The following DCC variants were observed in gnomAD, a reference collection of about 807,000 sequenced individuals.
DCC encodes DCC netrin 1 receptor.
Under a neutral mutation model 172.5 loss-of-function variants are expected in DCC, and 58 were observed. That is an observed-to-expected ratio of 0.34 (90% confidence interval 0.27 to 0.42). The LOEUF (loss-of-function observed/expected upper bound fraction) is 0.42, where lower values mean the gene tolerates loss of function less well. DCC is among the 10% of genes least tolerant of loss of function. The probability of loss-of-function intolerance (pLI) is 1.00; values close to 1 mark genes in which losing one functional copy is unlikely to be tolerated. For missense variants in DCC, 1,740 were observed against 1,791.0 expected, an observed-to-expected ratio of 0.97 and a Z score of 0.51; for synonymous variants, 709 against 644.5, an observed-to-expected ratio of 1.10 and a Z score of -1.52.
At chr18:53,100,820 CA>C (rs745915241) in intron 7 of DCC, among the ~76,000 whole-genome samples, 2 of 151,138 alleles carry the variant, frequency 1.3e-5, no homozygotes, top group East Asian at 2.0e-4. Flanking sequence ...GGAAAGCTTG[CA>C]AAAAAAATGG....
chr18:52,719,934 T>C (rs1453303115), intron 1 of DCC, among the ~76,000 whole-genome samples: 1 of 151,968 alleles, frequency 6.6e-6, no homozygotes, highest in Non-Finnish European at 1.5e-5. Context: ...CAGTTCACAG[T>C]CAGGATTTGG....
At chr18:53,198,316 C>T (rs1182467435) in intron 9 of DCC, among the ~76,000 whole-genome samples, 1 of 152,112 alleles carries the variant, frequency 6.6e-6, no homozygotes, top group South Asian at 2.1e-4. Flanking sequence ...ATTTCAGGGG[C>T]TTGTTCATGG....
rs928944341 is a variant in DCC at position 53,143,854 on chromosome 18, C to T, written c.1262-13502C>T. Among the ~76,000 whole-genome samples the T allele has an allele frequency of 5.9e-5, 9 of 152,280 alleles. No individual in the cohort carries two copies. The South Asian group carries it at 6.2e-4, about 11-fold the overall frequency. On this transcript the variant is annotated intron_variant, in intron 7 of 28. Coordinates refer to ENST00000442544, the MANE Select transcript of DCC (RefSeq NM_005215.4). The stretch of plus-strand genomic sequence containing the variant: ...TTTTTGCTTTAAGTAGCCACAGGTG[C>T]GAGAATGATTGTTTCCATCCCATTT...
intron 2 of DCC, among the ~76,000 whole-genome samples, chr18:52,883,350 ATGTGTGTGTG>A (rs1172759213): frequency 6.1e-4 from 21 of 34,172 alleles, no homozygotes; most frequent in Admixed American, 1.9e-3. Context: ...TTATTTATTT[ATGTGTGTGTG>A]TGTGTGTGTG....
chr18:52,411,864 TG>T (rs1237035659), intron 1 of DCC, among the ~76,000 whole-genome samples: 1 of 152,138 alleles, frequency 6.6e-6, no homozygotes, highest in Non-Finnish European at 1.5e-5. Flanking sequence ...CCAACCTCAT[TG>T]TCAAGCCACA....
At position 52,790,970 on chromosome 18, in the gene DCC, G is replaced by A. The variant is rs112207447; in HGVS notation, c.412+38596G>A. On this transcript the variant is annotated intron_variant, in intron 2 of 28. Transcript: ENST00000442544. ...CAATGAGAATGGAAGTTGAACCCTCGTGGCATCACCTCCATTGGACATTTT... is the reference window on the plus strand; with the variant it reads ...CAATGAGAATGGAAGTTGAACCCTCATGGCATCACCTCCATTGGACATTTT... 5.4e-3 allele frequency among the ~76,000 whole-genome samples: 826 copies of A among 152,218 alleles called. 6 individuals are homozygous for A. Among genetic ancestry groups the A allele is most frequent in the Admixed American group, 0.011 (168 of 15,284 alleles).
chr18:52,921,778 C>T (rs1568188231), intron 3 of DCC, among the ~76,000 whole-genome samples: 1 of 151,050 alleles, frequency 6.6e-6, no homozygotes, highest in Admixed American at 6.6e-5. Context: ...TTAGTAGCAT[C>T]GTTGATAGGT....
chr18:52,933,617 G>A (rs1406515965), intron 5 of DCC, among the ~76,000 whole-genome samples: 1 of 152,024 alleles, frequency 6.6e-6, no homozygotes, highest in Admixed American at 6.6e-5. Context: ...CATGTGGTTA[G>A]ATTTATCTTA....
chr18:53,111,548 C>G (rs1224709630), intron 7 of DCC, among the ~76,000 whole-genome samples: 1 of 151,174 alleles, frequency 6.6e-6, no homozygotes, highest in East Asian at 2.0e-4. Context: ...CCCTGCTTCC[C>G]TCATAAACAA....
chr18:52,450,162 A>G (rs568709052), intron 1 of DCC, among the ~76,000 whole-genome samples: 9 of 152,266 alleles, frequency 5.9e-5, no homozygotes, highest in African/African-American at 2.2e-4. Flanking sequence ...TTCCTAAGTG[A>G]TATTTCAGGA....
At chr18:52,467,383 T>G (rs1013877941) in intron 1 of DCC, among the ~76,000 whole-genome samples, 8 of 97,662 alleles carry the variant, frequency 8.2e-5, no homozygotes, top group African/African-American at 1.9e-4. Flanking sequence ...AACTCATCCT[T>G]TTTTTATGGC....
chr18:53,274,120 A>G (rs374597640), intron 12 of DCC, among the ~76,000 whole-genome samples: 2 of 152,296 alleles, frequency 1.3e-5, no homozygotes, highest in African/African-American at 4.8e-5. Flanking sequence ...TTTCTCAGTG[A>G]CACTATCACA....
chr18:53,123,173 T>C (rs1404367446), intron 7 of DCC, among the ~76,000 whole-genome samples: 1 of 152,018 alleles, frequency 6.6e-6, no homozygotes, highest in Non-Finnish European at 1.5e-5. Context: ...AATATGCAAA[T>C]ACATTGGAGG....
intron 11 of DCC, among the ~76,000 whole-genome samples, chr18:53,210,363 A>C (rs895069455): frequency 6.6e-6 from 1 of 152,182 alleles, no homozygotes; most frequent in African/African-American, 2.4e-5. Context: ...ATGTTGTGAA[A>C]ATTAAATGGG....
intron 7 of DCC, among the ~76,000 whole-genome samples, chr18:53,087,824 T>TA (rs1159599111): frequency 6.6e-6 from 1 of 152,154 alleles, no homozygotes; most frequent in Non-Finnish European, 1.5e-5. Context: ...TACATATGGC[T>TA]AGCCAGTTTT....
chr18:52,764,023 T>C (rs898714468), intron 2 of DCC, among the ~76,000 whole-genome samples: 5 of 152,262 alleles, frequency 3.3e-5, no homozygotes, highest in African/African-American at 9.6e-5. Flanking sequence ...ATTTAGTAAA[T>C]GCTCTTCTGT....
At chr18:53,034,839 A>C (rs2042071543) in intron 5 of DCC, among the ~76,000 whole-genome samples, 1 of 151,954 alleles carries the variant, frequency 6.6e-6, no homozygotes, top group Admixed American at 6.6e-5. Context: ...CATGCTGGCC[A>C]ACTTTTCTGT....
At chr18:53,238,944 A>G (rs1014360263) in intron 12 of DCC, among the ~76,000 whole-genome samples, 1 of 151,568 alleles carries the variant, frequency 6.6e-6, no homozygotes, top group African/African-American at 2.4e-5. Context: ...TATCGCAAGG[A>G]CAAAAAACCA....
intron 8 of DCC, among the ~76,000 whole-genome samples, chr18:53,174,600 C>T (rs1368704205): frequency 6.6e-6 from 1 of 150,662 alleles, no homozygotes; most frequent in Admixed American, 6.6e-5. Flanking sequence ...TTCCTTGACA[C>T]ATACACTCTC....
Sources: allele counts gnomAD v4.1 joint callset (sites outside exome capture counted in the v4.1 genomes callset), GRCh38; gene constraint gnomAD v4.1.1; transcripts MANE v1.5; gene names NCBI Gene and HGNC (gene_info 2026-07-23, HGNC 2026-07-21).